The following POU3F3 variants were observed in gnomAD, a reference collection of about 807,000 sequenced individuals.
The protein encoded by POU3F3 is POU domain, class 3, transcription factor 3.
Under a neutral mutation model 8.6 loss-of-function variants are expected in POU3F3, and 1 was observed. The observed-to-expected ratio is 0.12, with a 90% CI of 0.04 to 0.55. POU3F3 has a LOEUF of 0.55. Ranked by LOEUF, POU3F3 falls within the 20% of genes least tolerant of loss-of-function variation. The pLI, the probability that POU3F3 is intolerant of heterozygous loss-of-function variation, is 0.91. For synonymous variants in POU3F3, 418 were observed against 327.4 expected, an observed-to-expected ratio of 1.28 and a Z score of -2.99; for missense variants, 577 against 690.7, an observed-to-expected ratio of 0.84 and a Z score of 1.84.
the POU3F3 span, among the ~76,000 whole-genome samples, chr2:104,902,114 C>T: frequency 3.9e-5 from 6 of 152,112 alleles, no homozygotes; most frequent in African/African-American, 9.7e-5. Flanking sequence ...CTATCTCTCC[C>T]TCTCTTCCCT....
the POU3F3 span, among the ~76,000 whole-genome samples, chr2:104,878,201 G>A: frequency 6.6e-6 from 1 of 152,132 alleles, no homozygotes; most frequent in African/African-American, 2.4e-5. Flanking sequence ...AGCAGACCGA[G>A]CCTTAATCAG....
chr2:104,857,070 A>G lies in POU3F3; in HGVS notation c.*57A>G. On this transcript the variant is annotated 3_prime_UTR_variant, in exon 1 of 1. Coordinates refer to ENST00000361360, the MANE Select transcript of POU3F3 (RefSeq NM_006236.3). ...CGCCGCCGCCTCCGCAGCCGCCGTC[A>G]GCACCGCCGCCGCCCCTGCCGCCGC... 1 of 1,195,696 alleles carries G rather than the reference A, an allele frequency of 8.4e-7. No individual in the cohort carries two copies. The highest frequency in any genetic ancestry group is 1.0e-6 in the Non-Finnish European group (1 of 963,168). The allele number at this position is 1,195,696 out of a possible 1,614,324, so 74.1% of individuals were successfully genotyped here. A position where few individuals can be genotyped will look rare whatever the true frequency, so the allele number is the denominator to read the frequency against.
At chr2:104,875,961 G>A in the POU3F3 span, among the ~76,000 whole-genome samples, 2 of 151,936 alleles carry the variant, frequency 1.3e-5, no homozygotes, top group African/African-American at 2.4e-5. Flanking sequence ...CAGGTGATCC[G>A]CCCACCTCAG....
At chr2:104,920,640 A>G in the POU3F3 span, among the ~76,000 whole-genome samples, 5 of 152,188 alleles carry the variant, frequency 3.3e-5, no homozygotes, top group South Asian at 1.0e-3. Flanking sequence ...TCCAGCCTGC[A>G]ATTTCTGAGT....
At chr2:104,927,746 CAAAAAAAAAAAAA>C in the POU3F3 span, among the ~76,000 whole-genome samples, 1 of 79,462 alleles carries the variant, frequency 1.3e-5, no homozygotes, top group Non-Finnish European at 2.4e-5. Flanking sequence ...GACCTTGTCT[CAAAAAAAAAAAAA>C]AAAAAAAAAA....
chr2:104,907,113 T>A, the POU3F3 span, among the ~76,000 whole-genome samples: 1 of 152,106 alleles, frequency 6.6e-6, no homozygotes, highest in Non-Finnish European at 1.5e-5. Context: ...TCATCCTAGC[T>A]CCTTCCCCCA....
At chr2:104,885,105 C>T in the POU3F3 span, among the ~76,000 whole-genome samples, 7 of 152,240 alleles carry the variant, frequency 4.6e-5, no homozygotes, top group African/African-American at 1.4e-4. Context: ...TTGACTTAAA[C>T]ATTAAGCATA....
the POU3F3 span, among the ~76,000 whole-genome samples, chr2:104,912,574 T>C: frequency 6.6e-6 from 1 of 152,206 alleles, no homozygotes; most frequent in Non-Finnish European, 1.5e-5. Context: ...TCCCTTATCT[T>C]TAGGGTTTGA....
At chr2:104,878,878 A>G in the POU3F3 span, among the ~76,000 whole-genome samples, 1 of 152,152 alleles carries the variant, frequency 6.6e-6, no homozygotes, top group African/African-American at 2.4e-5. Context: ...CACACAACCC[A>G]GCACACAAAT....
the POU3F3 span, among the ~76,000 whole-genome samples, chr2:104,914,921 A>G: frequency 6.6e-6 from 1 of 152,214 alleles, no homozygotes; most frequent in Non-Finnish European, 1.5e-5. Flanking sequence ...AGGGTGACAA[A>G]GAGTTGCGGG....
chr2:104,887,779 G>A, the POU3F3 span, among the ~76,000 whole-genome samples: 6 of 152,266 alleles, frequency 3.9e-5, no homozygotes, highest in East Asian at 3.9e-4. Context: ...CAGAGCCCAC[G>A]CCCAGCCACA....
At chr2:104,914,828 T>C in the POU3F3 span, among the ~76,000 whole-genome samples, 1 of 152,162 alleles carries the variant, frequency 6.6e-6, no homozygotes, top group Admixed American at 6.5e-5. Flanking sequence ...GACAGTAGGT[T>C]TGCCATTAGC....
the POU3F3 span, chr2:104,867,680 C>G: frequency 6.4e-6 from 1 of 155,634 alleles, no homozygotes; most frequent in Non-Finnish European, 1.4e-5. This position sits in a 1 kb window ranked among gnomAD's most constrained non-coding sequence, Gnocchi z 5.0. Flanking sequence ...GCAACAGGCC[C>G]CGCCCTTGGT....
the POU3F3 span, among the ~76,000 whole-genome samples, chr2:104,869,668 C>G: frequency 1.3e-5 from 2 of 152,210 alleles, no homozygotes. Flanking sequence ...GCCCTTCAGG[C>G]TTCTTTGCCT....
the POU3F3 span, among the ~76,000 whole-genome samples, chr2:104,921,751 A>G: frequency 6.6e-6 from 1 of 152,030 alleles, no homozygotes; most frequent in Non-Finnish European, 1.5e-5. Flanking sequence ...TAATCCCAGC[A>G]CTCTGGGAAG....
At chr2:104,924,320 C>T in the POU3F3 span, among the ~76,000 whole-genome samples, 22 of 152,188 alleles carry the variant, frequency 1.4e-4, no homozygotes, top group Non-Finnish European at 2.4e-4. Context: ...CCAATTCTAA[C>T]TAAGGAAGGG....
the POU3F3 span, among the ~76,000 whole-genome samples, chr2:104,877,205 A>G: frequency 1.3e-5 from 2 of 152,196 alleles, no homozygotes; most frequent in South Asian, 4.2e-4. Context: ...GATCCAAGCC[A>G]TTTGTTTCTA....
chr2:104,894,592 G>A, the POU3F3 span, among the ~76,000 whole-genome samples: 2 of 151,958 alleles, frequency 1.3e-5, no homozygotes, highest in African/African-American at 4.8e-5. Context: ...TGAGCGGTGT[G>A]GTCACCTCCT....
the POU3F3 span, among the ~76,000 whole-genome samples, chr2:104,876,631 A>T: frequency 7.2e-5 from 11 of 152,164 alleles, no homozygotes; most frequent in Non-Finnish European, 2.9e-5. Context: ...CCCACATTTT[A>T]AGTGAAAGTA....
Sources: gnomAD v4.1 joint callset for allele counts (sites outside exome capture counted in the v4.1 genomes callset) on GRCh38, gnomAD v4.1.1 for gene constraint, Gnocchi (gnomAD v3.1) non-coding constraint, MANE v1.5 for transcripts, NCBI Gene and HGNC (gene_info 2026-07-23, HGNC 2026-07-21) for gene names.